Variants in KCNAB1 observed in about 807,000 individuals in gnomAD.
The protein encoded by KCNAB1 is potassium voltage-gated channel subfamily A regulatory beta subunit 1, also known as voltage-gated potassium channel subunit beta-1.
KCNAB1 carries 35 observed loss-of-function variants against 64.6 expected under a neutral mutation model. That is an observed-to-expected ratio of 0.54 (90% CI 0.41 to 0.72). The LOEUF (loss-of-function observed/expected upper bound fraction) is 0.72, where lower values mean the gene tolerates loss of function less well. Among genes scored for constraint, KCNAB1 ranks in the 30% least tolerant of loss-of-function variants. The pLI is 0.00. For synonymous variants in KCNAB1, 177 were observed against 183.8 expected (o/e 0.96, Z 0.30); for missense variants, 401 against 512.9 (o/e 0.78, Z 2.11).
At chr3:156,250,594 C>CT (rs1315706449) in intron 1 of KCNAB1, among the ~76,000 whole-genome samples, 6 of 152,124 alleles carry the variant, frequency 3.9e-5, no homozygotes, top group Non-Finnish European at 4.4e-5. Flanking sequence ...AAGACATTCT[C>CT]TTTTTTTACC....
At chr3:156,484,896 G>A (rs960985950) in intron 8 of KCNAB1, among the ~76,000 whole-genome samples, 5 of 152,056 alleles carry the variant, frequency 3.3e-5, no homozygotes, top group African/African-American at 4.8e-5. Context: ...AGGTGAGGGC[G>A]TTAGTCTTAG....
At chr3:156,179,760 A>G (rs1712677830) in intron 1 of KCNAB1, among the ~76,000 whole-genome samples, 1 of 152,220 alleles carries the variant, frequency 6.6e-6, no homozygotes, top group Non-Finnish European at 1.5e-5. Flanking sequence ...CACTCAGGAA[A>G]AGATTGAATT....
At chr3:156,182,626 T>C (rs1322774062) in intron 1 of KCNAB1, among the ~76,000 whole-genome samples, 1 of 146,484 alleles carries the variant, frequency 6.8e-6, no homozygotes, top group Non-Finnish European at 1.5e-5. Flanking sequence ...GTTGGTTTTT[T>C]TTTCCCCCCC....
intron 1 of KCNAB1, among the ~76,000 whole-genome samples, chr3:156,346,495 G>A (rs1724490602): frequency 6.6e-6 from 1 of 152,162 alleles, no homozygotes; most frequent in African/African-American, 2.4e-5. Context: ...ACTAAAGAGA[G>A]TGGCACCTGG....
intron 11 of KCNAB1, among the ~76,000 whole-genome samples, chr3:156,520,689 A>G (rs2108402948): frequency 6.6e-6 from 1 of 152,388 alleles, no homozygotes; most frequent in South Asian, 2.1e-4. Flanking sequence ...TCAAGTGTTC[A>G]TATTAAGAAA....
intron 1 of KCNAB1, among the ~76,000 whole-genome samples, chr3:156,337,692 G>C (rs1723806103): frequency 6.6e-6 from 1 of 152,130 alleles, no homozygotes; most frequent in Non-Finnish European, 1.5e-5. Flanking sequence ...GACAAATCTG[G>C]GTTCACACCT....
chr3:156,423,900 G>A (rs1021844419), intron 2 of KCNAB1, among the ~76,000 whole-genome samples: 1 of 152,148 alleles, frequency 6.6e-6, no homozygotes, highest in East Asian at 1.9e-4. Context: ...ATATCCCAGA[G>A]GGACTAAAGA....
At chr3:156,367,171 CTTTT>C (rs9331286) in intron 1 of KCNAB1, among the ~76,000 whole-genome samples, 2 of 118,422 alleles carry the variant, frequency 1.7e-5, no homozygotes, top group South Asian at 2.9e-4. Flanking sequence ...AGTAATCTAC[CTTTT>C]TTTTTTTTTT....
At chr3:156,176,168 A>G in intron 1 of KCNAB1, 2 of 773,046 alleles carry the variant, frequency 2.6e-6, no homozygotes, top group Non-Finnish European at 4.8e-6. Context: ...ATTGCATTGG[A>G]CAAGAGATAA....
intron 1 of KCNAB1, among the ~76,000 whole-genome samples, chr3:156,242,744 A>G (rs28368547): frequency 0.085 from 12,492 of 146,336 alleles, 1,783 homozygotes; most frequent in African/African-American, 0.3. Flanking sequence ...AGTTGTTATC[A>G]TTGTGTCATA....
intron 1 of KCNAB1, among the ~76,000 whole-genome samples, chr3:156,316,765 A>G (rs577505788): frequency 3.7e-4 from 56 of 152,308 alleles, no homozygotes; most frequent in African/African-American, 1.3e-3. Context: ...AAAGAGCTCA[A>G]GTTGGGAGAA....
At chr3:156,316,518 AG>A (rs1162591698) in intron 1 of KCNAB1, among the ~76,000 whole-genome samples, 2 of 152,242 alleles carry the variant, frequency 1.3e-5, no homozygotes, top group Non-Finnish European at 2.9e-5. Flanking sequence ...TGTACTTTTC[AG>A]GGTTCATAAA....
intron 1 of KCNAB1, among the ~76,000 whole-genome samples, chr3:156,360,418 G>A (rs1725526137): frequency 6.6e-6 from 1 of 152,128 alleles, no homozygotes; most frequent in South Asian, 2.1e-4. Context: ...AGTCAGGAAA[G>A]TCTAAACTTA....
chr3:156,505,039 C>A (rs1028781275), intron 8 of KCNAB1, among the ~76,000 whole-genome samples: 5 of 152,060 alleles, frequency 3.3e-5, no homozygotes, highest in African/African-American at 1.2e-4. Context: ...AGCTTCAGGT[C>A]AGGTCTTACA....
At chr3:156,342,277 G>A (rs1261924333) in intron 1 of KCNAB1, among the ~76,000 whole-genome samples, 11 of 152,198 alleles carry the variant, frequency 7.2e-5, no homozygotes, top group Non-Finnish European at 1.3e-4. Flanking sequence ...GACCTGAAAG[G>A]AATTTAGACG....
chr3:156,242,929 A>AGAT (rs1470390918), intron 1 of KCNAB1, among the ~76,000 whole-genome samples: 1 of 150,656 alleles, frequency 6.6e-6, no homozygotes, highest in Non-Finnish European at 1.5e-5. Context: ...TTTATTTTTG[A>AGAT]GATGGAGTCT....
intron 1 of KCNAB1, among the ~76,000 whole-genome samples, chr3:156,241,731 T>C (rs1717175904): frequency 6.6e-6 from 1 of 152,174 alleles, no homozygotes; most frequent in Admixed American, 6.5e-5. Context: ...CCTCTGTTTT[T>C]TTAAATTTAT....
upstream of KCNAB1, among the ~76,000 whole-genome samples, chr3:156,119,020 T>G (rs1713204824): frequency 6.6e-6 from 1 of 152,234 alleles, no homozygotes; most frequent in African/African-American, 2.4e-5. Flanking sequence ...CTTTGATACA[T>G]GCTTCAGGCT....
intron 8 of KCNAB1, among the ~76,000 whole-genome samples, chr3:156,482,542 TG>T (rs1460306378): frequency 6.6e-6 from 1 of 150,814 alleles, no homozygotes; most frequent in Non-Finnish European, 1.5e-5. Context: ...TAGGAGGAAA[TG>T]GTGGGCAGTG....
Sources: gnomAD v4.1 joint callset for allele counts (sites outside exome capture counted in the v4.1 genomes callset) on GRCh38, gnomAD v4.1.1 for gene constraint, MANE v1.5 for transcripts, NCBI Gene and HGNC (gene_info 2026-07-23, HGNC 2026-07-21) for gene names.